The following DIP2B variants were observed in gnomAD, a reference collection of about 807,000 sequenced individuals.
DIP2B encodes DIP2 acetate--CoA ligase B (putative).
In DIP2B, 76 loss-of-function variants were observed where a neutral mutation model predicts 198.0. The ratio of observed to expected loss-of-function variants is 0.38; its 90% CI spans 0.32 to 0.46. DIP2B has a LOEUF of 0.46. DIP2B is among the 20% of genes least tolerant of loss of function. The probability of loss-of-function intolerance (pLI) is 0.99; values close to 1 mark genes in which losing one functional copy is unlikely to be tolerated. For missense variants in DIP2B, 1,559 were observed against 1,978.4 expected, an observed-to-expected ratio of 0.79 and a Z score of 4.02; for synonymous variants, 701 against 739.1, an observed-to-expected ratio of 0.95 and a Z score of 0.84.
chr12:50,602,695 C>T (rs1958947630), intron 1 of DIP2B, among the ~76,000 whole-genome samples: 1 of 150,986 alleles, frequency 6.6e-6, no homozygotes, highest in African/African-American at 2.4e-5. Context: ...CACGTCTCTA[C>T]TAAAAATACA....
chr12:50,683,075 G>C, intron 9 of DIP2B, 63 bp from the exon 10 acceptor site: 1 of 1,271,080 alleles, frequency 7.9e-7, no homozygotes, highest in Non-Finnish European at 1.1e-6. Flanking sequence ...CTTAGACAGT[G>C]ACATTGAAAG....
At chr12:50,616,211 C>G (rs552368635) in intron 1 of DIP2B, among the ~76,000 whole-genome samples, 2 of 152,360 alleles carry the variant, frequency 1.3e-5, no homozygotes, top group Admixed American at 1.3e-4. Flanking sequence ...TGCTTATTCT[C>G]TAGTTCTTGA....
chr12:50,690,556 G>A (rs891182640), intron 12 of DIP2B, among the ~76,000 whole-genome samples: 5 of 152,184 alleles, frequency 3.3e-5, no homozygotes, highest in African/African-American at 1.2e-4. Flanking sequence ...GATAGTCCTG[G>A]TAAAAAGCAA....
chr12:50,731,646 C>T, intron 31 of DIP2B, 109 bp downstream of exon 31: 1 of 1,314,698 alleles, frequency 7.6e-7, no homozygotes. Flanking sequence ...TTGCCTTTTT[C>T]AAGTCACTCA....
At chr12:50,710,871 G>A (rs1939602784) in intron 22 of DIP2B, among the ~76,000 whole-genome samples, 1 of 152,204 alleles carries the variant, frequency 6.6e-6, no homozygotes, top group African/African-American at 2.4e-5. Flanking sequence ...GAAGAAGGTA[G>A]AACGGGGCAG....
At chr12:50,556,287 A>G (rs1958470297) in intron 1 of DIP2B, among the ~76,000 whole-genome samples, 1 of 151,978 alleles carries the variant, frequency 6.6e-6, no homozygotes, top group Non-Finnish European at 1.5e-5. Context: ...CGACCTCGTG[A>G]TCTGTCCATC....
intron 1 of DIP2B, among the ~76,000 whole-genome samples, chr12:50,554,727 G>T (rs1255994677): frequency 6.6e-6 from 1 of 151,638 alleles, no homozygotes; most frequent in Non-Finnish European, 1.5e-5. Flanking sequence ...CTTCACTTTG[G>T]TTGAGTGCAT....
At chr12:50,733,318 G>T (rs1940081827) in intron 32 of DIP2B, among the ~76,000 whole-genome samples, 1 of 139,378 alleles carries the variant, frequency 7.2e-6, no homozygotes, top group Admixed American at 7.4e-5. Context: ...TGGCAACTTT[G>T]TCATGTTATT....
rs751663736 is a variant in DIP2B at position 50,721,279 on chromosome 12, A to G, written c.3049A>G (p.Thr1017Ala). The G allele has an allele frequency of 5.6e-6, 9 of 1,613,978 alleles. No homozygotes were observed. Among genetic ancestry groups the G allele is most frequent in the Non-Finnish European group, 7.6e-6 (9 of 1,179,914 alleles). The change falls in exon 26 of 38, where the codon ACT becomes GCT. Residue 1017 changes from threonine (T) to alanine (A), a missense_variant. Physicochemically the swap from Thr to Ala is moderately conservative, Grantham distance 58 (BLOSUM62 0). Transcript: ENST00000301180. ...LFMLLNAKGT[T>A]VCTASCLQLH... ...TCCTTTCTGTTGTTTAAAGGGAACC[A>G]CTGTATGCACAGCCAGCTGCCTTCA...
At chr12:50,691,425 G>A (rs542106775) in intron 13 of DIP2B, among the ~76,000 whole-genome samples, 5 of 152,284 alleles carry the variant, frequency 3.3e-5, no homozygotes, top group Admixed American at 6.5e-5. Context: ...CTGTGGAATG[G>A]CAGGTATCTC....
chr12:50,549,657 C>T (rs1435131945), intron 1 of DIP2B, among the ~76,000 whole-genome samples: 1 of 146,532 alleles, frequency 6.8e-6, no homozygotes, highest in East Asian at 2.0e-4. Context: ...TGAGATAGTG[C>T]CACTGCACTC....
intron 1 of DIP2B, among the ~76,000 whole-genome samples, chr12:50,595,342 C>T (rs370365927): frequency 6.6e-6 from 1 of 152,142 alleles, no homozygotes; most frequent in African/African-American, 2.4e-5. Context: ...GACAGGGTCT[C>T]ACTCTGTCAC....
intron 1 of DIP2B, among the ~76,000 whole-genome samples, chr12:50,568,137 C>T (rs906346373): frequency 6.6e-6 from 1 of 152,114 alleles, no homozygotes; most frequent in South Asian, 2.1e-4. Context: ...GTTTGACTGA[C>T]CCTGCCTAAG....
chr12:50,578,759 C>T (rs1416352016), intron 1 of DIP2B, among the ~76,000 whole-genome samples: 2 of 152,090 alleles, frequency 1.3e-5, no homozygotes, highest in Admixed American at 6.5e-5. Context: ...CTGCCCGCCT[C>T]GGCCTCCCAA....
chr12:50,671,156 G>T, intron 4 of DIP2B, 30 bp from the exon 5 acceptor site: 1 of 1,608,564 alleles, frequency 6.2e-7, no homozygotes, highest in South Asian at 1.1e-5. Context: ...AGGTAGGATC[G>T]AGAACTTCTT....
rs1163533587 is a variant in DIP2B at position 50,697,076 on chromosome 12, G to A, written c.1949G>A (p.Cys650Tyr). 3 of 1,613,928 alleles carry A rather than the reference G, an allele frequency of 1.9e-6. No individual in the cohort carries two copies. Reference protein sequence around the residue: ...DGANPWSVSSCDAFLSLFQSH... With the variant: ...DGANPWSVSSYDAFLSLFQSH... ...AACTCCTTAGGGTCCGTGTCATCCT[G>A]TGATGCCTTCCTGAGTCTGTTCCAA... Residue 650 changes from cysteine to tyrosine, a missense_variant, in exon 17 of 38, where the codon TGT becomes TAT. Physicochemically the swap from Cys to Tyr is radical, Grantham distance 194 (BLOSUM62 -2). Transcript: ENST00000301180.
intron 23 of DIP2B, among the ~76,000 whole-genome samples, chr12:50,718,365 C>G (rs923022922): frequency 9.2e-5 from 14 of 152,174 alleles, no homozygotes; most frequent in Non-Finnish European, 2.9e-5. Flanking sequence ...GTGCAACCAG[C>G]TATCACCTCC....
intron 1 of DIP2B, among the ~76,000 whole-genome samples, chr12:50,581,448 C>T (rs756712847): frequency 7.4e-5 from 11 of 149,318 alleles, no homozygotes; most frequent in Non-Finnish European, 1.2e-4. Flanking sequence ...TGATTCTTTC[C>T]GGCTGTATGC....
At position 50,708,578 on chromosome 12, in the gene DIP2B, GGTCT is replaced by G. The variant is rs1338484828; in HGVS notation, c.2649+19_2649+22del. On this transcript the variant is annotated intron_variant, in intron 22 of 37. Coordinates refer to ENST00000301180, the MANE Select transcript of DIP2B (RefSeq NM_173602.3). ...CGTGCTGCAGGTGAGCACACTTTGG[GGTCT>G]GTGTCAGGTCAGCGGTGGCAGCAAC... 1 of 1,571,398 alleles carries G rather than the reference GGTCT, an allele frequency of 6.4e-7. No individual in the cohort carries two copies. The highest frequency in any genetic ancestry group is 2.3e-5 in the East Asian group (1 of 43,302).
Sources: allele counts gnomAD v4.1 joint callset (sites outside exome capture counted in the v4.1 genomes callset), GRCh38; gene constraint gnomAD v4.1.1; transcripts MANE v1.5; gene names NCBI Gene and HGNC (gene_info 2026-07-23, HGNC 2026-07-21).